Variants in REV1 observed in about 807,000 individuals in gnomAD.
REV1 encodes translesion synthesis protein REV1.
A neutral mutation model predicts 137.4 loss-of-function variants in REV1; 42 were observed. That is an observed-to-expected ratio of 0.31 (90% confidence interval 0.24 to 0.40). The LOEUF (loss-of-function observed/expected upper bound fraction) is 0.40. Ranked by LOEUF, REV1 falls within the 10% of genes least tolerant of loss-of-function variation. REV1 has a pLI of 1.00. For missense variants in REV1, 1,282 were observed against 1,490.1 expected (o/e 0.86, Z 2.30); for synonymous variants, 524 against 519.2 (o/e 1.01, Z -0.12).
At chr2:99,458,134 G>C (rs10180138) in intron 3 of REV1, among the ~76,000 whole-genome samples, 24,670 of 152,034 alleles carry the variant, frequency 0.16, 2,509 homozygotes, top group African/African-American at 0.27. Context: ...TTCTGCAAAA[G>C]ACCATTTCAA....
intron 3 of REV1, among the ~76,000 whole-genome samples, chr2:99,457,337 A>T (rs936625883): frequency 1.3e-5 from 2 of 152,236 alleles, no homozygotes; most frequent in Non-Finnish European, 2.9e-5. Flanking sequence ...GGTTTAATGT[A>T]ATTCCTATCA....
At chr2:99,440,035 G>A (rs760869164) in intron 5 of REV1, among the ~76,000 whole-genome samples, 1 of 152,072 alleles carries the variant, frequency 6.6e-6, no homozygotes, top group Non-Finnish European at 1.5e-5. Context: ...AAATAAGGAC[G>A]CTTGCCTTAC....
At chr2:99,483,487 A>G (rs756073884) in intron 1 of REV1, among the ~76,000 whole-genome samples, 3 of 152,128 alleles carry the variant, frequency 2.0e-5, no homozygotes, top group Non-Finnish European at 2.9e-5. Flanking sequence ...TTTTTTGCCC[A>G]TCACTACCTA....
chr2:99,411,411 CT>C (rs550532536), intron 13 of REV1, among the ~76,000 whole-genome samples: 250 of 138,542 alleles, frequency 1.8e-3, no homozygotes, highest in African/African-American at 1.9e-3. Context: ...CCTTTCTTTC[CT>C]TTTTTTTTTT....
intron 1 of REV1, 28 bp from the exon 2 acceptor site, chr2:99,465,013 C>T (rs1286647525): frequency 1.3e-6 from 2 of 1,529,744 alleles, no homozygotes; most frequent in African/African-American, 1.4e-5. Context: ...AAAAAAATGT[C>T]AATTTTATAA....
At chr2:99,471,589 A>T (rs1446687585) in intron 1 of REV1, among the ~76,000 whole-genome samples, 1 of 152,204 alleles carries the variant, frequency 6.6e-6, no homozygotes, top group Non-Finnish European at 1.5e-5. Flanking sequence ...AACTTCTGTG[A>T]ATCACAGGGC....
rs892108515 is a variant in REV1, at chr2:99,461,873, G to A, written c.181+623C>T. 2.6e-5 allele frequency among the ~76,000 whole-genome samples: 4 copies of A among 152,174 alleles called. 1 individual carries two copies. In the East Asian group the frequency reaches 7.7e-4, roughly 29 times the overall value. ...CTGTGCAACAGGCAAAGAAGCATTTGCACATTTCTTTCCTTTCACCAAGAA... is the reference window on the plus strand; with the variant it reads ...CTGTGCAACAGGCAAAGAAGCATTTACACATTTCTTTCCTTTCACCAAGAA... On this transcript the variant is annotated intron_variant, in intron 3 of 22. Coordinates refer to ENST00000258428, the MANE Select transcript of REV1 (RefSeq NM_016316.4).
At chr2:99,457,606 GC>G (rs869275801) in intron 3 of REV1, among the ~76,000 whole-genome samples, 2 of 120,278 alleles carry the variant, frequency 1.7e-5, no homozygotes, top group East Asian at 4.4e-4. Flanking sequence ...AATCGCTTGA[GC>G]CAGGGAGGCA....
intron 2 of REV1, among the ~76,000 whole-genome samples, chr2:99,464,667 G>C (rs1164749246): frequency 2.0e-5 from 3 of 152,128 alleles, no homozygotes; most frequent in Non-Finnish European, 4.4e-5. Flanking sequence ...TATTAGCAAT[G>C]CTGCAATAAA....
intron 3 of REV1, among the ~76,000 whole-genome samples, chr2:99,461,133 A>ACTTC: frequency 6.6e-6 from 1 of 152,348 alleles, no homozygotes; most frequent in South Asian, 2.1e-4. Flanking sequence ...CTGCATGTGA[A>ACTTC]CTTCCCAATG....
intron 17 of REV1, 151 bp from the exon 18 acceptor site, chr2:99,404,828 T>G: frequency 1.5e-6 from 1 of 660,014 alleles, no homozygotes; most frequent in Non-Finnish European, 2.6e-6. Context: ...CACCTCCAAA[T>G]CAGCACATTT....
intron 3 of REV1, among the ~76,000 whole-genome samples, chr2:99,458,531 T>C (rs999186872): frequency 2.6e-5 from 4 of 152,192 alleles, no homozygotes; most frequent in African/African-American, 9.7e-5. Context: ...GGCAGTTTCT[T>C]ACAAAAACTA....
chr2:99,440,082 A>G (rs1681286834), intron 5 of REV1, among the ~76,000 whole-genome samples: 1 of 152,206 alleles, frequency 6.6e-6, no homozygotes, highest in Non-Finnish European at 1.5e-5. Context: ...TAAGAAATGC[A>G]TATTTAGATG....
chr2:99,478,158 C>A (rs1181518011), intron 1 of REV1, among the ~76,000 whole-genome samples: 1 of 152,154 alleles, frequency 6.6e-6, no homozygotes, highest in East Asian at 1.9e-4. Context: ...ATCACTTAAA[C>A]CCGGGAGGCA....
intron 10 of REV1, among the ~76,000 whole-genome samples, chr2:99,422,130 T>G (rs1245581430): frequency 2.0e-5 from 3 of 152,182 alleles, no homozygotes; most frequent in Non-Finnish European, 4.4e-5. Flanking sequence ...CACAGTTAAA[T>G]TCCACTCACT....
chr2:99,426,240 G>A (rs547453532), intron 9 of REV1, among the ~76,000 whole-genome samples: 20 of 151,278 alleles, frequency 1.3e-4, no homozygotes, highest in Admixed American at 1.1e-3. Flanking sequence ...CCAGCTACTC[G>A]GGAGGCTGAG....
At chr2:99,471,410 A>G (rs1357895645) in intron 1 of REV1, among the ~76,000 whole-genome samples, 1 of 144,798 alleles carries the variant, frequency 6.9e-6, no homozygotes, top group African/African-American at 2.6e-5. Context: ...GGACCTTTAC[A>G]CCATGTTAAA....
At chr2:99,487,322 G>T (rs1687258352) in intron 1 of REV1, among the ~76,000 whole-genome samples, 1 of 52,378 alleles carries the variant, frequency 1.9e-5, no homozygotes, top group African/African-American at 6.5e-5. Flanking sequence ...CACTAAGCAA[G>T]AAAGTGACAA....
intron 6 of REV1, among the ~76,000 whole-genome samples, chr2:99,436,473 TCAAG>T (rs987797593): frequency 2.6e-5 from 4 of 152,334 alleles, no homozygotes; most frequent in Admixed American, 2.6e-4. Context: ...TGATTCTGTC[TCAAG>T]CAGTCTGATT....
Sources: allele counts gnomAD v4.1 joint callset (sites outside exome capture counted in the v4.1 genomes callset), GRCh38; gene constraint gnomAD v4.1.1; transcripts MANE v1.5; gene names NCBI Gene and HGNC (gene_info 2026-07-23, HGNC 2026-07-21).